Variants in DZANK1 observed in about 807,000 individuals in gnomAD.
The protein encoded by DZANK1 is double zinc ribbon and ankyrin repeat domains 1.
Under a neutral mutation model 94.5 loss-of-function variants are expected in DZANK1, and 91 were observed. That is an observed-to-expected ratio of 0.96 (90% confidence interval 0.81 to 1.15). The LOEUF (loss-of-function observed/expected upper bound fraction) is 1.15, where lower values mean the gene tolerates loss of function less well. DZANK1 is among the 50% of genes most tolerant of loss of function. The pLI is 0.00. For synonymous variants in DZANK1, 312 were observed against 325.3 expected (o/e 0.96, Z 0.44); for missense variants, 903 against 916.4 (o/e 0.99, Z 0.19).
Position 18,423,395 on chromosome 20 carries a change from C to A in DZANK1, c.954+3672G>T, listed in dbSNP as rs189577034. ...AGTCTTTCACTTCCTATAGTTGGAG[C>A]TTTCCAATACCCCGTTTTCATTATT... is the stretch of plus-strand genomic sequence containing the variant. On this transcript the variant is annotated intron_variant, in intron 10 of 20. Coordinates refer to ENST00000262547, the Ensembl canonical transcript of DZANK1. Among the ~76,000 whole-genome samples the A allele has an allele frequency of 1.1e-3, 172 of 152,232 alleles. 2 individuals are homozygous for A. The highest frequency in any genetic ancestry group is 3.8e-3 in the African/African-American group (157 of 41,528).
intron 9 of DZANK1, among the ~76,000 whole-genome samples, chr20:18,428,068 G>A (rs1422948247): frequency 6.6e-6 from 1 of 151,086 alleles, no homozygotes; most frequent in African/African-American, 2.4e-5. Flanking sequence ...GGAGAATGGT[G>A]TGAACCCGGG....
chr20:18,445,735 CT>C (rs1376773040), intron 7 of DZANK1, among the ~76,000 whole-genome samples: 4 of 152,026 alleles, frequency 2.6e-5, no homozygotes, highest in African/African-American at 9.7e-5. Context: ...AACCCCACCC[CT>C]GCCACAAAAA....
At chr20:18,390,835 C>A (rs972199480) in intron 17 of DZANK1, among the ~76,000 whole-genome samples, 1 of 151,994 alleles carries the variant, frequency 6.6e-6, no homozygotes. Flanking sequence ...CAAGGTCAGC[C>A]AAAGTATGAC....
exon 15 of DZANK1, chr20:18,396,539 G>A: frequency 6.2e-7 from 1 of 1,612,866 alleles, no homozygotes; most frequent in South Asian, 1.1e-5. Flanking sequence ...GACAGTAGCA[G>A]AGATAAGCTT....
At chr20:18,386,443 G>C (rs2048500163) in intron 19 of DZANK1, among the ~76,000 whole-genome samples, 1 of 152,054 alleles carries the variant, frequency 6.6e-6, no homozygotes. Flanking sequence ...TTTAAAACAA[G>C]ACAAAAATCT....
chr20:18,447,995 T>A (rs1283668783), intron 7 of DZANK1, among the ~76,000 whole-genome samples: 1 of 152,232 alleles, frequency 6.6e-6, no homozygotes, highest in African/African-American at 2.4e-5. Flanking sequence ...ATTATTTTAT[T>A]GTATCTGTTA....
Position 18,444,529 on chromosome 20 carries a change from G to T in DZANK1, c.630-1065C>A, listed in dbSNP as rs562061376. Among the ~76,000 whole-genome samples the T allele has an allele frequency of 8.5e-5, 13 of 152,312 alleles. 1 individual carries two copies. The East Asian group carries it at 2.3e-3, about 27-fold the overall frequency. ...CTTCACCTGGGTACTACTGATGAGT[G>T]CATGTGATGGAAGAAACCACTCAAG... On this transcript the variant is annotated intron_variant, in intron 7 of 20. Transcript: ENST00000262547.
intron 10 of DZANK1, among the ~76,000 whole-genome samples, chr20:18,418,091 A>G (rs1600880396): frequency 6.6e-6 from 1 of 152,114 alleles, no homozygotes; most frequent in East Asian, 1.9e-4. Flanking sequence ...GTCTCAAAAA[A>G]AAAAATCTGC....
intron 13 of DZANK1, among the ~76,000 whole-genome samples, chr20:18,409,485 T>C (rs6136365): frequency 0.66 from 99,964 of 151,434 alleles, 33,172 homozygotes; most frequent in East Asian, 0.8. Flanking sequence ...CTAGCAAATC[T>C]ACCTTATAAG....
At chr20:18,463,482 C>T (rs2148826965) in intron 2 of DZANK1, among the ~76,000 whole-genome samples, 1 of 145,858 alleles carries the variant, frequency 6.9e-6, no homozygotes. Flanking sequence ...TACCCCCAAG[C>T]CTAAAATAAA....
At chr20:18,447,223 C>T (rs1276835184) in intron 7 of DZANK1, among the ~76,000 whole-genome samples, 1 of 152,120 alleles carries the variant, frequency 6.6e-6, no homozygotes, top group Non-Finnish European at 1.5e-5. Context: ...CGCCTATAAT[C>T]CCACTACTTT....
chr20:18,447,201 T>C (rs1448881833), intron 7 of DZANK1, among the ~76,000 whole-genome samples: 1 of 152,112 alleles, frequency 6.6e-6, no homozygotes, highest in Non-Finnish European at 1.5e-5. Context: ...CTTGGCTGGG[T>C]GTGGTGGCTC....
At chr20:18,398,616 T>A in exon 14 of DZANK1, 1 of 1,613,950 alleles carries the variant, frequency 6.2e-7, no homozygotes, top group Non-Finnish European at 8.5e-7. Context: ...CCAGCTGTCT[T>A]CTCCAGTACC....
chr20:18,436,133 T>A (rs2058511263), intron 8 of DZANK1, among the ~76,000 whole-genome samples: 1 of 152,172 alleles, frequency 6.6e-6, no homozygotes, highest in Non-Finnish European at 1.5e-5. Context: ...CAGCTATTTT[T>A]AAAAAATGTT....
At chr20:18,425,367 A>G (rs921058788) in intron 10 of DZANK1, among the ~76,000 whole-genome samples, 2 of 152,186 alleles carry the variant, frequency 1.3e-5, no homozygotes, top group Admixed American at 6.5e-5. Flanking sequence ...CCTGGCCAAC[A>G]TGGTGAAACC....
intron 7 of DZANK1, among the ~76,000 whole-genome samples, chr20:18,447,358 G>A (rs1224035212): frequency 6.6e-6 from 1 of 152,120 alleles, no homozygotes; most frequent in East Asian, 1.9e-4. Flanking sequence ...GCATGCCTCT[G>A]TCATCCAGGC....
chr20:18,455,221 G>C (rs1029595526), intron 4 of DZANK1, 26 bp downstream of exon 4: 3 of 1,541,506 alleles, frequency 1.9e-6, no homozygotes, highest in Non-Finnish European at 2.7e-6. Context: ...GTGACAATCT[G>C]AATGGATTAT....
intron 3 of DZANK1, 148 bp from the exon 4 acceptor site, chr20:18,455,509 A>T (rs2059255949): frequency 3.0e-6 from 2 of 669,580 alleles, no homozygotes; most frequent in Middle Eastern, 4.0e-4. Flanking sequence ...TAATTTCTAT[A>T]GTCTTTCCTG....
chr20:18,423,478 C>T (rs554165087), intron 10 of DZANK1, among the ~76,000 whole-genome samples: 9 of 152,302 alleles, frequency 5.9e-5, no homozygotes, highest in African/African-American at 2.2e-4. Flanking sequence ...CAACATTCCA[C>T]ATTGATTTAA....
Sources: gnomAD v4.1 joint callset for allele counts (sites outside exome capture counted in the v4.1 genomes callset) on GRCh38, gnomAD v4.1.1 for gene constraint, MANE v1.5 for transcripts, NCBI Gene and HGNC (gene_info 2026-07-23, HGNC 2026-07-21) for gene names.